Variants in NUP210L observed in about 807,000 individuals in gnomAD.
The protein encoded by NUP210L is nuclear pore membrane glycoprotein 210-like.
A neutral mutation model predicts 208.5 loss-of-function variants in NUP210L; 74 were observed. The observed-to-expected ratio is 0.35, with a 90% CI of 0.29 to 0.43. The LOEUF is 0.43. Ranked by LOEUF, NUP210L falls within the 20% of genes least tolerant of loss-of-function variation. The pLI is 1.00. For missense variants in NUP210L, 1,843 were observed against 2,289.4 expected (o/e 0.81, Z 3.98); for synonymous variants, 780 against 816.9 (o/e 0.95, Z 0.77).
chr1:154,058,048 T>A (rs199749937), intron 22 of NUP210L, 41 bp downstream of exon 22: 36 of 1,610,278 alleles, frequency 2.2e-5, no homozygotes, highest in Admixed American at 3.3e-5. Flanking sequence ...GAGAGTCTTA[T>A]GATATGCAGA....
At chr1:154,021,473 G>A (rs1336660725) in intron 32 of NUP210L, among the ~76,000 whole-genome samples, 1 of 151,560 alleles carries the variant, frequency 6.6e-6, no homozygotes, top group African/African-American at 2.4e-5. Context: ...CAGCCTGAAT[G>A]ACAGAGTGAG....
intron 25 of NUP210L, among the ~76,000 whole-genome samples, chr1:154,047,780 A>G (rs1653268445): frequency 6.6e-6 from 1 of 151,680 alleles, no homozygotes; most frequent in South Asian, 2.1e-4. Flanking sequence ...CACACTCTAT[A>G]TTTCTGTGTG....
intron 12 of NUP210L, among the ~76,000 whole-genome samples, chr1:154,105,117 C>T (rs1170968310): frequency 6.6e-6 from 1 of 152,156 alleles, no homozygotes; most frequent in Non-Finnish European, 1.5e-5. Flanking sequence ...TCTATACACA[C>T]CCTGGGGCAG....
chr1:154,017,079 G>A lies in NUP210L; in HGVS notation c.4653+1854C>T, dbSNP rs113527992. Among the ~76,000 whole-genome samples, 721 of 152,184 alleles carry A rather than the reference G, an allele frequency of 4.7e-3. 11 individuals carry two copies. The highest frequency in any genetic ancestry group is 0.016 in the African/African-American group (658 of 41,526). On this transcript the variant is annotated intron_variant, in intron 33 of 39. Coordinates refer to ENST00000368559, the Ensembl canonical transcript of NUP210L. ...GCAGATCACATGAGGCCAGTAGTTC[G>A]AGACCAGCCTGGCCAACATGGTGAA...
In NUP210L at chr1:154,046,072, T is replaced by TA. The variant is rs756632822; in HGVS notation, c.3692_3693insT (p.Glu1232ArgfsTer11). ...CAATAAACAGGCAAATTCTTACCTCTGAATGCCTGGGCACTAGATCCAATA... is the reference window on the plus strand; with the variant it reads ...CAATAAACAGGCAAATTCTTACCTCTAGAATGCCTGGGCACTAGATCCAATA... On this transcript the variant is annotated frameshift_variant, in exon 27 of 40. Coordinates refer to ENST00000368559, the Ensembl canonical transcript of NUP210L. LOFTEE classifies it high-confidence loss of function. 6.2e-7 allele frequency: 1 copy of TA among 1,613,662 alleles called. No individual in the cohort carries two copies. Among genetic ancestry groups the TA allele is most frequent in the Non-Finnish European group, 8.5e-7 (1 of 1,179,858 alleles).
At chr1:154,064,378 G>A (rs991658803) in intron 17 of NUP210L, among the ~76,000 whole-genome samples, 1 of 152,044 alleles carries the variant, frequency 6.6e-6, no homozygotes, top group Admixed American at 6.6e-5. Context: ...TTGGGCATGA[G>A]GGCTTGTTGC....
intron 33 of NUP210L, among the ~76,000 whole-genome samples, chr1:154,016,443 A>G (rs1204411262): frequency 3.3e-5 from 5 of 152,114 alleles, no homozygotes; most frequent in East Asian, 1.9e-4. Context: ...TTGTTTACCT[A>G]TCTCACCTAC....
At chr1:154,149,972 A>C (rs1659303645) in intron 2 of NUP210L, among the ~76,000 whole-genome samples, 1 of 152,192 alleles carries the variant, frequency 6.6e-6, no homozygotes, top group African/African-American at 2.4e-5. Context: ...TCATGGCTAT[A>C]ATCCCAGCAC....
chr1:154,057,954 G>A, intron 22 of NUP210L, 135 bp downstream of exon 22: 1 of 965,294 alleles, frequency 1.0e-6, no homozygotes, highest in Non-Finnish European at 1.6e-6. Context: ...GAGCGTATGG[G>A]CTGAAATGTA....
In NUP210L at chr1:154,009,958, C is replaced by A; in HGVS notation, c.4930+14G>T. 6.3e-7 allele frequency: 1 copy of A among 1,593,550 alleles called. No individual in the cohort carries two copies. The highest frequency in any genetic ancestry group is 2.2e-5 in the East Asian group (1 of 44,628). ...AACAGAATGGGGAAACCAGATTCAA[C>A]TGGTGTAACTTACCTTTCTCCATAC... On this transcript the variant is annotated intron_variant, in intron 35 of 39. Coordinates refer to ENST00000368559, the Ensembl canonical transcript of NUP210L.
chr1:154,066,120 A>C (rs1438632017), intron 17 of NUP210L, among the ~76,000 whole-genome samples: 1 of 152,136 alleles, frequency 6.6e-6, no homozygotes, highest in African/African-American at 2.4e-5. Context: ...GGACACATTT[A>C]AAGTAGTGGG....
chr1:154,142,028 G>A (rs1658875621), intron 3 of NUP210L, among the ~76,000 whole-genome samples: 1 of 151,952 alleles, frequency 6.6e-6, no homozygotes, highest in African/African-American at 2.4e-5. Flanking sequence ...ATGGTGGCCT[G>A]CACCTGTAGT....
chr1:154,054,935 C>A, intron 23 of NUP210L, 103 bp from the exon 24 acceptor site: 1 of 752,286 alleles, frequency 1.3e-6, no homozygotes, highest in Non-Finnish European at 2.3e-6. Context: ...GAGTCTTGCT[C>A]TGTTGCCCAT....
At chr1:154,066,846 A>G (rs1057346705) in intron 17 of NUP210L, among the ~76,000 whole-genome samples, 1 of 152,202 alleles carries the variant, frequency 6.6e-6, no homozygotes, top group African/African-American at 2.4e-5. Flanking sequence ...ATCTAGAAGA[A>G]ATGGATAAAT....
chr1:154,038,281 C>T (rs1374341191), intron 27 of NUP210L, among the ~76,000 whole-genome samples: 1 of 150,702 alleles, frequency 6.6e-6, no homozygotes, highest in Admixed American at 6.6e-5. Context: ...TAGAAGTGCA[C>T]ACCACCATGC....
intron 37 of NUP210L, among the ~76,000 whole-genome samples, chr1:153,997,893 A>G (rs1649989016): frequency 6.6e-6 from 1 of 151,500 alleles, no homozygotes; most frequent in Non-Finnish European, 1.5e-5. Context: ...TATTTTTAGT[A>G]GAGACGGGGT....
intron 31 of NUP210L, 31 bp downstream of exon 31, chr1:154,023,091 A>G (rs1436474890): frequency 1.9e-6 from 3 of 1,581,362 alleles, no homozygotes; most frequent in Non-Finnish European, 2.6e-6. Context: ...TTTCTACCAT[A>G]GTGTCAATAC....
chr1:154,130,631 G>A (rs551982622), intron 7 of NUP210L, among the ~76,000 whole-genome samples: 1 of 139,094 alleles, frequency 7.2e-6, no homozygotes, highest in Admixed American at 7.7e-5. Context: ...CACCCAGGCT[G>A]AGTGCAGTGG....
chr1:154,006,926 CTGTGTGTG>C (rs796890210), intron 35 of NUP210L, among the ~76,000 whole-genome samples: 2 of 88,304 alleles, frequency 2.3e-5, no homozygotes, highest in African/African-American at 7.3e-5. Context: ...ACACATATGT[CTGTGTGTG>C]TGTGTGTGTG....
Sources: gnomAD v4.1 joint callset for allele counts (sites outside exome capture counted in the v4.1 genomes callset) on GRCh38, gnomAD v4.1.1 for gene constraint, MANE v1.5 for transcripts, NCBI Gene and HGNC (gene_info 2026-07-23, HGNC 2026-07-21) for gene names.